ANK3: variants seen among roughly 807,000 people sequenced by gnomAD.
ANK3 encodes ankyrin 3, also known as ankyrin-3.
In ANK3, 57 loss-of-function variants were observed where a neutral mutation model predicts 370.9. The ratio of observed to expected loss-of-function variants is 0.15; its 90% CI spans 0.12 to 0.19. ANK3 has a LOEUF of 0.19. ANK3 is among the 10% of genes least tolerant of loss of function. The pLI, the probability that ANK3 is intolerant of heterozygous loss-of-function variation, is 1.00. For synonymous variants in ANK3, 1,929 were observed against 1,946.3 expected, an observed-to-expected ratio of 0.99 and a Z score of 0.23; for missense variants, 4,439 against 5,302.1, an observed-to-expected ratio of 0.84 and a Z score of 5.06.
chr10:60,144,889 AT>A (rs1467100696), intron 23 of ANK3, among the ~76,000 whole-genome samples: 1 of 152,152 alleles, frequency 6.6e-6, no homozygotes, highest in Admixed American at 6.6e-5. Context: ...TTCATGTCGA[AT>A]AAAGGAAATA....
intron 23 of ANK3, chr10:60,140,433 A>G: frequency 6.2e-7 from 1 of 1,613,050 alleles, no homozygotes; most frequent in Non-Finnish European, 8.5e-7. Context: ...GCAGTGATTT[A>G]GAATCAACCT....
chr10:60,581,079 G>A (rs955702673), intron 2 of ANK3, among the ~76,000 whole-genome samples: 1 of 152,214 alleles, frequency 6.6e-6, no homozygotes, highest in African/African-American at 2.4e-5. Flanking sequence ...TTATGTGCCA[G>A]CACAGGGCCT....
chr10:60,607,395 T>A (rs1193737662), intron 2 of ANK3, among the ~76,000 whole-genome samples: 1 of 152,076 alleles, frequency 6.6e-6, no homozygotes, highest in Admixed American at 6.6e-5. Flanking sequence ...TTACACCACA[T>A]ACTGCCTCCC....
intron 2 of ANK3, among the ~76,000 whole-genome samples, chr10:60,444,339 T>C (rs1000123188): frequency 4.0e-5 from 6 of 151,612 alleles, no homozygotes; most frequent in Non-Finnish European, 7.4e-5. Flanking sequence ...TCACATGATA[T>C]AATGCTCCTG....
chr10:60,645,909 A>T (rs1339536926), intron 1 of ANK3, among the ~76,000 whole-genome samples: 1 of 152,210 alleles, frequency 6.6e-6, no homozygotes, highest in Admixed American at 6.5e-5. Flanking sequence ...ACAGTCTAGG[A>T]GGGTACACAT....
intron 2 of ANK3, among the ~76,000 whole-genome samples, chr10:60,413,407 T>C (rs1280991896): frequency 6.6e-6 from 1 of 152,202 alleles, no homozygotes; most frequent in Non-Finnish European, 1.5e-5. Flanking sequence ...CTTGAAAAGA[T>C]GACAGATAAA....
intron 1 of ANK3, among the ~76,000 whole-genome samples, chr10:60,668,162 AGAG>A (rs779546108): frequency 3.3e-5 from 5 of 151,576 alleles, no homozygotes; most frequent in Admixed American, 2.0e-4. Flanking sequence ...GAGGAAACTC[AGAG>A]GAGAACGTAA....
intron 21 of ANK3, among the ~76,000 whole-genome samples, chr10:60,171,241 C>G (rs1435682229): frequency 2.6e-5 from 4 of 152,098 alleles, no homozygotes; most frequent in African/African-American, 4.8e-5. Flanking sequence ...TTGTTCTATT[C>G]CATTAAAACA....
intron 1 of ANK3, among the ~76,000 whole-genome samples, chr10:60,689,623 G>A (rs536509654): frequency 1.3e-5 from 2 of 151,956 alleles, no homozygotes; most frequent in East Asian, 3.9e-4. Context: ...ATGGTGTCGA[G>A]TGCCTGTAAT....
At chr10:60,547,617 C>T (rs1429850216) in intron 2 of ANK3, among the ~76,000 whole-genome samples, 2 of 151,394 alleles carry the variant, frequency 1.3e-5, no homozygotes, top group African/African-American at 2.4e-5. Flanking sequence ...CCTGGTGATC[C>T]ACCTGCCTTG....
At chr10:60,281,849 T>C (rs1325434370) in intron 1 of ANK3, among the ~76,000 whole-genome samples, 1 of 151,992 alleles carries the variant, frequency 6.6e-6, no homozygotes, top group Non-Finnish European at 1.5e-5. Context: ...TAACATAAAA[T>C]TGGAATTTGA....
At chr10:60,065,292 T>C (rs1036859657) in intron 38 of ANK3, among the ~76,000 whole-genome samples, 3 of 152,162 alleles carry the variant, frequency 2.0e-5, no homozygotes, top group African/African-American at 7.2e-5. Context: ...AGAGGGAAAC[T>C]TAGGAGTCAG....
intron 17 of ANK3, among the ~76,000 whole-genome samples, chr10:60,183,581 G>A (rs572797595): frequency 1.3e-5 from 2 of 152,200 alleles, no homozygotes; most frequent in East Asian, 1.9e-4. Flanking sequence ...ACTTAGGGCC[G>A]GGCACAGTGG....
chr10:60,486,826 T>C (rs1015253628), intron 2 of ANK3, among the ~76,000 whole-genome samples: 2 of 152,194 alleles, frequency 1.3e-5, no homozygotes, highest in Non-Finnish European at 2.9e-5. Flanking sequence ...CTAAAAAATG[T>C]GTCCCTCCAA....
chr10:60,062,485 T>C (rs1430898764), intron 40 of ANK3: 3 of 152,224 alleles, frequency 2.0e-5, no homozygotes, highest in Non-Finnish European at 2.9e-5. Context: ...GCCGACTGAA[T>C]TAGAAATTAT....
intron 2 of ANK3, among the ~76,000 whole-genome samples, chr10:60,592,373 T>A (rs1249089066): frequency 1.3e-5 from 2 of 152,250 alleles, no homozygotes; most frequent in African/African-American, 4.8e-5. Context: ...AAGATTACCA[T>A]CCTTGAGTGC....
At chr10:60,272,580 A>C (rs1045804551) in intron 4 of ANK3, among the ~76,000 whole-genome samples, 4 of 152,082 alleles carry the variant, frequency 2.6e-5, no homozygotes. Context: ...AACAGGTCCA[A>C]GAGATTCTCC....
At chr10:60,427,443 A>G (rs767188471) in intron 2 of ANK3, among the ~76,000 whole-genome samples, 5 of 152,076 alleles carry the variant, frequency 3.3e-5, no homozygotes, top group Non-Finnish European at 5.9e-5. Context: ...GGAACCACAG[A>G]GATAAGAGAA....
At chr10:60,493,492 A>T (rs535921424) in intron 2 of ANK3, among the ~76,000 whole-genome samples, 3 of 152,302 alleles carry the variant, frequency 2.0e-5, no homozygotes, top group Non-Finnish European at 4.4e-5. Context: ...TTCAGTGGTC[A>T]TGGATGACCC....
Sources: gnomAD v4.1 joint callset for allele counts (sites outside exome capture counted in the v4.1 genomes callset) on GRCh38, gnomAD v4.1.1 for gene constraint, MANE v1.5 for transcripts, NCBI Gene and HGNC (gene_info 2026-07-23, HGNC 2026-07-21) for gene names.